RAPH1: variants seen among roughly 807,000 people sequenced by gnomAD.
RAPH1 encodes the protein Ras association (RalGDS/AF-6) and pleckstrin homology domains 1, also known as ras-associated and pleckstrin homology domains-containing protein 1.
RAPH1 carries 18 observed loss-of-function variants against 88.1 expected under a neutral mutation model. The observed-to-expected ratio is 0.20, with a 90% CI of 0.14 to 0.30. The LOEUF (loss-of-function observed/expected upper bound fraction) is 0.30. Among genes scored for constraint, RAPH1 ranks in the 10% least tolerant of loss-of-function variants. RAPH1 has a pLI of 1.00. For missense variants in RAPH1, 1,448 were observed against 1,543.2 expected, an observed-to-expected ratio of 0.94 and a Z score of 1.03; for synonymous variants, 587 against 559.0, an observed-to-expected ratio of 1.05 and a Z score of -0.71.
At position 203,439,571 on chromosome 2, in the gene RAPH1, G is replaced by C. The variant is rs753607155; in HGVS notation, c.3619C>G (p.Pro1207Ala). 1.2e-6 allele frequency: 2 copies of C among 1,614,148 alleles called. No individual in the cohort carries two copies. The highest frequency in any genetic ancestry group is 1.7e-6 in the Non-Finnish European group (2 of 1,180,020). ...MDDMALPPPPPELLSDQQKAG... is the reference protein window; with the variant it reads ...MDDMALPPPPAELLSDQQKAG... The stretch of plus-strand genomic sequence containing the variant: ...TTCTGTTGATCAGACAGCAGTTCAG[G>C]GGGTGGTGGAGGCAATGCCATATCA... The change falls in exon 14 of 14, where the codon CCT becomes GCT. Residue 1207 changes from proline (P) to alanine (A), a missense_variant. Physicochemically the swap from Pro to Ala is conservative, Grantham distance 27 (BLOSUM62 -1). This residue lies in a region of RAPH1 where 935 missense variants were observed against 890.1 expected (regional missense o/e 1.05). Coordinates refer to ENST00000319170, the MANE Select transcript of RAPH1 (RefSeq NM_213589.3).
intron 1 of RAPH1, among the ~76,000 whole-genome samples, chr2:203,502,058 A>G (rs2258020): frequency 0.1 from 15,541 of 152,220 alleles, 1,600 homozygotes; most frequent in African/African-American, 0.26. Flanking sequence ...AGGAAGCTAC[A>G]GTCTCCTATG....
At chr2:203,506,778 ATC>A (rs1235337656) in intron 1 of RAPH1, among the ~76,000 whole-genome samples, 4 of 115,586 alleles carry the variant, frequency 3.5e-5, no homozygotes, top group South Asian at 5.0e-4. Context: ...ATCTATATAT[ATC>A]TAGATATATA....
chr2:203,524,792 T>C (rs921732868), intron 1 of RAPH1, among the ~76,000 whole-genome samples: 4 of 152,208 alleles, frequency 2.6e-5, no homozygotes, highest in Admixed American at 6.5e-5. Flanking sequence ...ATTACAGTGA[T>C]GATTTCATGG....
chr2:203,441,362 A>T lies in RAPH1; in HGVS notation c.1828T>A (p.Ser610Thr). The T allele has an allele frequency of 6.3e-7, 1 of 1,576,618 alleles. No homozygotes were observed. Among genetic ancestry groups the T allele is most frequent in the Non-Finnish European group, 8.6e-7 (1 of 1,162,804 alleles). The change falls in exon 14 of 14, where the codon TCC (serine) becomes ACC (threonine). Residue 610 changes from serine to threonine, a missense_variant. Coordinates refer to ENST00000319170, the MANE Select transcript of RAPH1 (RefSeq NM_213589.3). Reference sequence around the variant, plus strand: ...GGGGTGACTATCTTAGGTTGCGGGGATAAAGGGGGCACAAGTGAAGTGTAG... The same window carrying T: ...GGGGTGACTATCTTAGGTTGCGGGGTTAAAGGGGGCACAAGTGAAGTGTAG... Reference protein sequence around the residue: ...RPYTSLVPPLSPQPKIVTPYT... With the variant: ...RPYTSLVPPLTPQPKIVTPYT...
rs1386755129 is a variant in RAPH1 at position 203,451,170 on chromosome 2, TTGTC to T, written c.1414-2338_1414-2335del. ...GGCTCTGTACAAGTACTTCTGCAGA[TTGTC>T]TGTTCTGCTAATACATTATTTTATT... On this transcript the variant is annotated intron_variant, in intron 10 of 13. Transcript: ENST00000319170. 5.3e-5 allele frequency among the ~76,000 whole-genome samples: 8 copies of T among 152,186 alleles called. 1 individual carries two copies. Among genetic ancestry groups the T allele is most frequent in the Non-Finnish European group, 8.8e-5 (6 of 68,036 alleles).
chr2:203,532,439 A>C (rs1318099244), intron 1 of RAPH1, among the ~76,000 whole-genome samples: 1 of 152,190 alleles, frequency 6.6e-6, no homozygotes, highest in Non-Finnish European at 1.5e-5. Context: ...CAAAGAGTAT[A>C]TGTGTGTGTT....
chr2:203,519,001 T>C (rs994793322), intron 1 of RAPH1, among the ~76,000 whole-genome samples: 2 of 152,160 alleles, frequency 1.3e-5, no homozygotes, highest in Non-Finnish European at 2.9e-5. Context: ...AGAAACTCCA[T>C]CAATAATTAA....
chr2:203,452,425 T>C (rs1294645326), intron 10 of RAPH1, among the ~76,000 whole-genome samples: 1 of 152,184 alleles, frequency 6.6e-6, no homozygotes, highest in African/African-American at 2.4e-5. Context: ...CCAACAGAAT[T>C]CTGTACAGAC....
chr2:203,504,570 G>A (rs988548822), intron 1 of RAPH1, among the ~76,000 whole-genome samples: 8 of 152,176 alleles, frequency 5.3e-5, no homozygotes, highest in Admixed American at 2.6e-4. Context: ...CTGACCTGAC[G>A]GTCTCTGACA....
intron 3 of RAPH1, among the ~76,000 whole-genome samples, chr2:203,490,740 A>G (rs1273725734): frequency 2.0e-5 from 3 of 152,206 alleles, no homozygotes; most frequent in Non-Finnish European, 2.9e-5. Flanking sequence ...TTAATAAAAT[A>G]CACAAATCAA....
rs1268999959 is a variant in RAPH1, at chr2:203,438,246, A to AATT, written c.*1190_*1191insAAT. The AATT allele has an allele frequency of 2.0e-6, 1 of 503,866 alleles. No individual in the cohort carries two copies. 31.2% of individuals were successfully genotyped at this position (503,866 alleles called of 1,614,324 possible). On this transcript the variant is annotated 3_prime_UTR_variant, in exon 14 of 14. Coordinates refer to ENST00000319170, the MANE Select transcript of RAPH1 (RefSeq NM_213589.3). ...TCTCCATGTAGTCCCATACTTAATG[A>AATT]GCTTTTTGTATTACATATTATAACC...
chr2:203,458,766 TTC>T (rs564867599), intron 7 of RAPH1, among the ~76,000 whole-genome samples: 21 of 148,952 alleles, frequency 1.4e-4, no homozygotes, highest in Non-Finnish European at 2.8e-4. Context: ...CTTTTTCTTT[TTC>T]TCTTTTTTTT....
chr2:203,479,239 A>G (rs778154536), intron 4 of RAPH1, among the ~76,000 whole-genome samples: 6 of 152,210 alleles, frequency 3.9e-5, no homozygotes, highest in Admixed American at 1.3e-4. Context: ...TAAAAAATCT[A>G]TTCTTTCTGG....
At chr2:203,530,491 T>C (rs1475523834) in intron 1 of RAPH1, among the ~76,000 whole-genome samples, 1 of 152,156 alleles carries the variant, frequency 6.6e-6, no homozygotes, top group Non-Finnish European at 1.5e-5. Flanking sequence ...CTGATCCAAA[T>C]GTTTTAAACA....
chr2:203,523,252 G>A (rs1480102836), intron 1 of RAPH1, among the ~76,000 whole-genome samples: 3 of 151,982 alleles, frequency 2.0e-5, no homozygotes, highest in Non-Finnish European at 4.4e-5. Context: ...AATTAGCTGG[G>A]CGTGGTGGCG....
chr2:203,446,724 T>C (rs2098510014), intron 12 of RAPH1: 1 of 152,166 alleles, frequency 6.6e-6, no homozygotes, highest in African/African-American at 2.4e-5. Flanking sequence ...CTGGCTCCTC[T>C]GTGTATCCCT....
At position 203,440,292 on chromosome 2, in the gene RAPH1, A is replaced by T; in HGVS notation, c.2898T>A (p.Pro966=). ...GGGTTGGGGGTGGTTTCTTTCCCCC[A>T]GGGCTGGACGTCTTACTGGTCTTTT... The part of the protein sequence containing the change: ...PGKKTSKTSS[P]GGKKPPPTPQ... The change falls in exon 14 of 14, where the codon CCT becomes CCA. Residue 966 remains proline (P), a synonymous_variant. Transcript: ENST00000319170. 1 of 1,613,190 alleles carries T rather than the reference A, an allele frequency of 6.2e-7. No homozygotes were observed. Among genetic ancestry groups the T allele is most frequent in the South Asian group, 1.1e-5 (1 of 91,002 alleles).
At chr2:203,512,579 G>C (rs1327769066) in intron 1 of RAPH1, among the ~76,000 whole-genome samples, 3 of 147,620 alleles carry the variant, frequency 2.0e-5, no homozygotes, top group Non-Finnish European at 3.0e-5. Flanking sequence ...TTTGGAATGA[G>C]TTTGTTGGGT....
chr2:203,485,631 A>C (rs577806846), intron 4 of RAPH1, among the ~76,000 whole-genome samples: 106 of 152,162 alleles, frequency 7.0e-4, no homozygotes, highest in Non-Finnish European at 1.4e-3. Flanking sequence ...AGGAAAACCC[A>C]AGGTCATTTT....
Sources: allele counts gnomAD v4.1 joint callset (sites outside exome capture counted in the v4.1 genomes callset), GRCh38; gene constraint gnomAD v4.1.1; regional missense constraint gnomAD v4.1.1; transcripts MANE v1.5; gene names NCBI Gene and HGNC (gene_info 2026-07-23, HGNC 2026-07-21).